The following KLRD1 variants were observed in gnomAD, a reference collection of about 807,000 sequenced individuals.
KLRD1 encodes killer cell lectin like receptor D1, also known as natural killer cells antigen CD94.
A neutral mutation model predicts 22.6 loss-of-function variants in KLRD1; 21 were observed. The ratio of observed to expected loss-of-function variants is 0.93; its 90% CI spans 0.66 to 1.34. The LOEUF (loss-of-function observed/expected upper bound fraction) is 1.34, where lower values mean the gene tolerates loss of function less well. Ranked by LOEUF, KLRD1 falls within the 40% of genes most tolerant of loss-of-function variation. The pLI is 0.00. For missense variants in KLRD1, 183 were observed against 208.6 expected (o/e 0.88, Z 0.76); for synonymous variants, 59 against 71.1 (o/e 0.83, Z 0.85).
chr12:10,292,513 A>G (rs1949779492), intron 1 of KLRD1, among the ~76,000 whole-genome samples: 1 of 152,226 alleles, frequency 6.6e-6, no homozygotes. Context: ...GACCAGGCTC[A>G]TTCTCAATGA....
intron 1 of KLRD1, among the ~76,000 whole-genome samples, chr12:10,272,604 T>A (rs1949560021): frequency 6.6e-6 from 1 of 152,204 alleles, no homozygotes. Context: ...ACAGTGCTGA[T>A]GTCTCTGGTT....
Position 10,311,402 on chromosome 12 carries a change from A to G in KLRD1, c.164-62A>G. ...CAGCAAATAATTTTTGAATAATTAAATAGCATTGAAAAAAATGTCTAGTCT... is the reference window on the plus strand; with the variant it reads ...CAGCAAATAATTTTTGAATAATTAAGTAGCATTGAAAAAAATGTCTAGTCT... On this transcript the variant is annotated intron_variant, in intron 3 of 5. Transcript: ENST00000336164. 3.4e-6 allele frequency: 5 copies of G among 1,480,740 alleles called. No individual in the cohort carries two copies. The South Asian group carries it at 6.0e-5, about 18-fold the overall frequency. The allele number at this position is 1,480,740 out of a possible 1,614,324, so 91.7% of individuals were successfully genotyped here. A position where few individuals can be genotyped will look rare whatever the true frequency, so the allele number is the denominator to read the frequency against.
At chr12:10,254,616 T>C (rs2617141) in intron 1 of KLRD1, among the ~76,000 whole-genome samples, 148,643 of 152,038 alleles carry the variant, frequency 0.98, 72,753 homozygotes, top group East Asian at 1. Flanking sequence ...AGGCTGGGCG[T>C]GGTGGCTCAC....
intron 1 of KLRD1, among the ~76,000 whole-genome samples, chr12:10,270,189 ATG>A (rs1211624835): frequency 1.3e-5 from 2 of 152,242 alleles, no homozygotes; most frequent in Non-Finnish European, 2.9e-5. Flanking sequence ...ACCGGGGCCT[ATG>A]CCATTGCTGA....
In KLRD1 at chr12:10,315,497, G is replaced by A. The variant is rs865872136; in HGVS notation, c.*704G>A. 60 of 171,198 alleles carry A rather than the reference G, an allele frequency of 3.5e-4. No homozygotes were observed. Among genetic ancestry groups the A allele is most frequent in the Admixed American group, 1.6e-3 (25 of 15,916 alleles). The allele number at this position is 171,198 out of a possible 1,614,324, so 10.6% of individuals were successfully genotyped here. On this transcript the variant is annotated 3_prime_UTR_variant, in exon 6 of 6. Transcript: ENST00000336164. The stretch of plus-strand genomic sequence containing the variant: ...AGGTAACTGACAAAAGATATAGGAT[G>A]AAAAATAATATCTTTCAAATGTTTA...
At chr12:10,279,299 T>A (rs559088694) in intron 1 of KLRD1, among the ~76,000 whole-genome samples, 5 of 152,222 alleles carry the variant, frequency 3.3e-5, no homozygotes, top group Non-Finnish European at 5.9e-5. Context: ...TCCAGCTTCA[T>A]CCATGTTGCT....
chr12:10,300,064 C>T (rs1949854366), upstream of KLRD1, among the ~76,000 whole-genome samples: 1 of 152,178 alleles, frequency 6.6e-6, no homozygotes, highest in Non-Finnish European at 1.5e-5. Flanking sequence ...TCTTCAACCC[C>T]TCAAAGGCAT....
chr12:10,310,933 G>A (rs970277687), intron 3 of KLRD1, among the ~76,000 whole-genome samples: 1 of 152,112 alleles, frequency 6.6e-6, no homozygotes, highest in Non-Finnish European at 1.5e-5. Context: ...GTATAATTAA[G>A]CCTCAAGATA....
rs1467937915 is a variant in KLRD1, at chr12:10,323,311, A to G, written c.*8518A>G. 6.6e-6 allele frequency: 1 copy of G among 152,136 alleles called. No homozygotes were observed. The highest frequency in any genetic ancestry group is 1.9e-4 in the East Asian group (1 of 5,200). The allele number at this position is 152,136 out of a possible 1,614,324, so 9.4% of individuals were successfully genotyped here. ...GCAGTTTATGTGAGTGTTACTCTGT[A>G]TTCTTGACAATACATAGTATTATGA... On this transcript the variant is annotated 3_prime_UTR_variant, in exon 6 of 6. Transcript: ENST00000336164.
At chr12:10,281,496 A>C (rs188490196) in intron 1 of KLRD1, among the ~76,000 whole-genome samples, 37 of 152,280 alleles carry the variant, frequency 2.4e-4, no homozygotes, top group East Asian at 1.2e-3. Flanking sequence ...GAGGGTGAGG[A>C]AGAATCAAAA....
chr12:10,251,958 A>G (rs1032732628), intron 1 of KLRD1, among the ~76,000 whole-genome samples: 1 of 152,180 alleles, frequency 6.6e-6, no homozygotes, highest in Non-Finnish European at 1.5e-5. Flanking sequence ...AACAGGCCAC[A>G]GTACCGGTCT....
Position 10,323,708 on chromosome 12 carries a change from AC to A in KLRD1, c.*8916del, listed in dbSNP as rs1950331876. On this transcript the variant is annotated 3_prime_UTR_variant, in exon 6 of 6. Transcript: ENST00000336164. The stretch of plus-strand genomic sequence containing the variant: ...TCCCCTCACAGATGAATATTCTGTT[AC>A]TATAGATTTGCCTTTCTATGTTTTA... The A allele has an allele frequency of 6.6e-6, 1 of 152,058 alleles. No homozygotes were observed. Among genetic ancestry groups the A allele is most frequent in the Non-Finnish European group, 1.5e-5 (1 of 68,018 alleles). 9.4% of individuals were successfully genotyped at this position (152,058 alleles called of 1,614,324 possible). A position where few individuals can be genotyped will look rare whatever the true frequency, so the allele number is the denominator to read the frequency against.
intron 1 of KLRD1, among the ~76,000 whole-genome samples, chr12:10,246,212 T>C (rs954222086): frequency 6.6e-6 from 1 of 152,202 alleles, no homozygotes; most frequent in Non-Finnish European, 1.5e-5. Context: ...TGGAAAGATA[T>C]AAGTGCAAAC....
chr12:10,289,884 TTCTCCTGCCTCAGCCTCCC>T (rs1949749947), intron 1 of KLRD1, among the ~76,000 whole-genome samples: 2 of 152,192 alleles, frequency 1.3e-5, no homozygotes, highest in Non-Finnish European at 2.9e-5. Context: ...GTTCAAGCGA[TTCTCCTGCCTCAGCCTCCC>T]GAGTAGCTGG....
At chr12:10,288,330 G>A (rs76675296) in intron 1 of KLRD1, among the ~76,000 whole-genome samples, 2,387 of 151,676 alleles carry the variant, frequency 0.016, 54 homozygotes, top group African/African-American at 0.054. Context: ...ATGTAAATAT[G>A]TTGTAATTAT....
rs1012190102 is a variant in KLRD1, at chr12:10,316,417, T to C, written c.*1624T>C. 1 of 152,154 alleles carries C rather than the reference T, an allele frequency of 6.6e-6. No individual in the cohort carries two copies. Among genetic ancestry groups the C allele is most frequent in the African/African-American group, 2.4e-5 (1 of 41,402 alleles). 9.4% of individuals were successfully genotyped at this position (152,154 alleles called of 1,614,324 possible). On this transcript the variant is annotated 3_prime_UTR_variant, in exon 6 of 6. Transcript: ENST00000336164. ...ATTTTTTACTTTTATTATTTTTTTT[T>C]CTGAGACACGGTTTCATTCCCATTG... is the stretch of plus-strand genomic sequence containing the variant.
intron 1 of KLRD1, among the ~76,000 whole-genome samples, chr12:10,286,336 T>C (rs1331355041): frequency 6.6e-6 from 1 of 152,204 alleles, no homozygotes. Flanking sequence ...CTCAATATGT[T>C]TCTTAATGGT....
chr12:10,246,928 C>CTTTTTTTTTT (rs1208226436), intron 1 of KLRD1, among the ~76,000 whole-genome samples: 3 of 129,692 alleles, frequency 2.3e-5, no homozygotes, highest in East Asian at 2.6e-4. Context: ...CTTTTCTTTT[C>CTTTTTTTTTT]TTTTCTTTTT....
intron 1 of KLRD1, among the ~76,000 whole-genome samples, chr12:10,274,418 G>A (rs1289258986): frequency 6.6e-6 from 1 of 152,146 alleles, no homozygotes. Context: ...CATAGCTCCT[G>A]ATATCTGACA....
Sources: gnomAD v4.1 joint callset for allele counts (sites outside exome capture counted in the v4.1 genomes callset) on GRCh38, gnomAD v4.1.1 for gene constraint, MANE v1.5 for transcripts, NCBI Gene and HGNC (gene_info 2026-07-23, HGNC 2026-07-21) for gene names.